TMEM175: variants seen among roughly 807,000 people sequenced by gnomAD.
TMEM175 encodes the protein transmembrane protein 175.
TMEM175 carries 36 observed loss-of-function variants against 36.5 expected under a neutral mutation model. That is an observed-to-expected ratio of 0.99 (90% CI 0.76 to 1.30). The LOEUF is 1.30. Ranked by LOEUF, TMEM175 falls within the 50% of genes most tolerant of loss-of-function variation. The pLI is 0.00. For synonymous variants in TMEM175, 339 were observed against 313.4 expected (o/e 1.08, Z -0.86); for missense variants, 705 against 692.8 (o/e 1.02, Z -0.20).
At chr4:933,758 C>G (rs1230870728) in intron 1 of TMEM175, among the ~76,000 whole-genome samples, 1 of 152,198 alleles carries the variant, frequency 6.6e-6, no homozygotes, top group Admixed American at 6.5e-5. Flanking sequence ...ACATCAGCCT[C>G]TTAGCCGTCC....
chr4:953,662 TC>T (rs1279155370), intron 8 of TMEM175, among the ~76,000 whole-genome samples: 1 of 152,230 alleles, frequency 6.6e-6, no homozygotes, highest in East Asian at 1.9e-4. Flanking sequence ...ACACCCGGAA[TC>T]CGGGGGTGCA....
chr4:951,882 C>A, intron 6 of TMEM175, 165 bp downstream of exon 6: 1 of 741,138 alleles, frequency 1.3e-6, no homozygotes, highest in Admixed American at 2.6e-5. Flanking sequence ...TTGGGGGCTT[C>A]TTTCAGGCTG....
rs1429004468 is a variant in TMEM175 at position 936,258 on chromosome 4, T to A, written c.-32+3718T>A. ...TACTTGGGAGCCTGAGGCAAGAGAA[T>A]TGCTTGAACCCGGGAGGTGGAGATT... On this transcript the variant is annotated intron_variant, in intron 1 of 10. Coordinates refer to ENST00000264771, the MANE Select transcript of TMEM175 (RefSeq NM_032326.4). 5.9e-5 allele frequency among the ~76,000 whole-genome samples: 9 copies of A among 151,580 alleles called. No homozygotes were observed. The East Asian group carries it at 1.5e-3, about 26-fold the overall frequency.
chr4:947,173 A>G (rs533156215), intron 1 of TMEM175, among the ~76,000 whole-genome samples: 2 of 137,396 alleles, frequency 1.5e-5, no homozygotes, highest in African/African-American at 2.8e-5. Flanking sequence ...ATACGTGCAC[A>G]GGTGCCGAGA....
intron 8 of TMEM175, among the ~76,000 whole-genome samples, chr4:953,923 T>C (rs1269727287): frequency 1.3e-5 from 2 of 152,214 alleles, no homozygotes; most frequent in African/African-American, 2.4e-5. Flanking sequence ...TGGACTAAAG[T>C]GATCCTCCCG....
Position 958,261 on chromosome 4 carries a change from C to A in TMEM175, c.1280C>A (p.Pro427His). The change falls in exon 11 of 11, where the codon CCC becomes CAC. Residue 427 changes from proline (P) to histidine (H), a missense_variant. Physicochemically the swap from Pro to His is moderately conservative, Grantham distance 77. Coordinates refer to ENST00000264771, the MANE Select transcript of TMEM175 (RefSeq NM_032326.4). Reference protein sequence around the residue: ...VLMFAKLALYPCASLLAFAST... With the variant: ...VLMFAKLALYHCASLLAFAST... Reference sequence around the variant, plus strand: ...ATGTTCGCCAAGCTGGCGCTGTACCCCTGTGCCAGCCTGCTGGCCTTCGCC... The same window carrying A: ...ATGTTCGCCAAGCTGGCGCTGTACCACTGTGCCAGCCTGCTGGCCTTCGCC... The A allele has an allele frequency of 6.2e-7, 1 of 1,606,270 alleles. No homozygotes were observed. Among genetic ancestry groups the A allele is most frequent in the Non-Finnish European group, 8.5e-7 (1 of 1,179,456 alleles).
intron 10 of TMEM175, chr4:956,547 A>G (rs181939284): frequency 6.7e-6 from 7 of 1,050,936 alleles, no homozygotes; most frequent in Admixed American, 6.1e-5. Flanking sequence ...GGTTCAAGCA[A>G]TTCTCCTGCC....
chr4:943,661 C>T (rs1038786705), intron 1 of TMEM175, among the ~76,000 whole-genome samples: 27 of 152,162 alleles, frequency 1.8e-4, no homozygotes, highest in African/African-American at 5.8e-4. Context: ...GGCAAATTGT[C>T]GGGTGGTTTC....
chr4:956,711 T>C (rs142550526), intron 10 of TMEM175: 264 of 343,276 alleles, frequency 7.7e-4, no homozygotes, highest in African/African-American at 5.4e-3. Flanking sequence ...CCCAAAGTGC[T>C]GGGATTACAG....
Position 949,709 on chromosome 4 carries a change from C to T in TMEM175, c.193-712C>T, listed in dbSNP as rs1246274684. Among the ~76,000 whole-genome samples the T allele has an allele frequency of 3.3e-5, 5 of 152,254 alleles. No homozygotes were observed. In the East Asian group the frequency reaches 9.7e-4, roughly 29 times the overall value. On this transcript the variant is annotated intron_variant, in intron 3 of 10. Transcript: ENST00000264771. ...CGTGGAGAAAGCATGAAAACCTTCCCAGGGCTGGAGGGCGAGGGCCCCGGT... is the reference window on the plus strand; with the variant it reads ...CGTGGAGAAAGCATGAAAACCTTCCTAGGGCTGGAGGGCGAGGGCCCCGGT...
intron 1 of TMEM175, among the ~76,000 whole-genome samples, chr4:933,071 G>T (rs1254092618): frequency 6.6e-6 from 1 of 152,210 alleles, no homozygotes; most frequent in Non-Finnish European, 1.5e-5. Context: ...GGTTCGTAAT[G>T]CCCAACTATT....
At chr4:956,552 C>T in intron 10 of TMEM175, 2 of 1,000,270 alleles carry the variant, frequency 2.0e-6, no homozygotes, top group Non-Finnish European at 2.7e-6. Context: ...AAGCAATTCT[C>T]CTGCCTCAGC....
intron 3 of TMEM175, chr4:948,760 C>T (rs1283306325): frequency 6.2e-6 from 6 of 972,482 alleles, no homozygotes; most frequent in East Asian, 6.2e-5. Flanking sequence ...CAGGGTCGTG[C>T]GGCCCAAGCT....
In TMEM175 at chr4:953,198, T is replaced by G. The variant is rs373669360; in HGVS notation, c.471T>G (p.Ile157Met). 6.2e-7 allele frequency: 1 copy of G among 1,608,304 alleles called. No individual in the cohort carries two copies. Among genetic ancestry groups the G allele is most frequent in the African/African-American group, 1.3e-5 (1 of 74,922 alleles). Reference sequence around the variant, plus strand: ...GCTTGCTTTTCCCGCAGGCACTGATTGTGGGGTACGCATTCCACTTCCCGC... The same window carrying G: ...GCTTGCTTTTCCCGCAGGCACTGATGGTGGGGTACGCATTCCACTTCCCGC... ...VIAIGVVQALIVGYAFHFPHL... is the reference protein window; with the variant it reads ...VIAIGVVQALMVGYAFHFPHL... Residue 157 changes from isoleucine (I) to methionine (M), a missense_variant, in exon 8 of 11, where the codon ATT (isoleucine) becomes ATG (methionine). Transcript: ENST00000264771.
intron 8 of TMEM175, among the ~76,000 whole-genome samples, chr4:954,986 G>C (rs985817247): frequency 1.3e-5 from 2 of 152,150 alleles, no homozygotes; most frequent in African/African-American, 4.8e-5. Flanking sequence ...TAGGGAGATA[G>C]ACGATAAATT....
Position 958,615 on chromosome 4 carries a change from A to C in TMEM175, c.*119A>C. ...AGTGGTTCTTGCGTGGCCTGGTTTT[A>C]TTTTCATTGTGAAATATCATGCTCT... On this transcript the variant is annotated 3_prime_UTR_variant, in exon 11 of 11. Coordinates refer to ENST00000264771, the MANE Select transcript of TMEM175 (RefSeq NM_032326.4). 1 of 787,890 alleles carries C rather than the reference A, an allele frequency of 1.3e-6. No individual in the cohort carries two copies. Among genetic ancestry groups the C allele is most frequent in the Admixed American group, 3.2e-5 (1 of 31,688 alleles). 48.8% of individuals were successfully genotyped at this position (787,890 alleles called of 1,614,324 possible).
At chr4:941,005 CAAAATAATA>C (rs1560474542) in intron 1 of TMEM175, among the ~76,000 whole-genome samples, 1 of 38,950 alleles carries the variant, frequency 2.6e-5, no homozygotes, top group Non-Finnish European at 4.8e-5. Flanking sequence ...GACTCCGTCT[CAAAATAATA>C]ATAATAATAA....
At chr4:949,664 A>G (rs1470551534) in intron 3 of TMEM175, among the ~76,000 whole-genome samples, 1 of 152,218 alleles carries the variant, frequency 6.6e-6, no homozygotes, top group African/African-American at 2.4e-5. Context: ...TAAAGTGCTC[A>G]GTGTTCTGTT....
chr4:950,604 C>T (rs576491087), intron 4 of TMEM175, 86 bp downstream of exon 4: 23 of 1,043,352 alleles, frequency 2.2e-5, no homozygotes, highest in South Asian at 1.6e-4. Flanking sequence ...TCCATGGGGT[C>T]GGGGAGGACA....
Sources: gnomAD v4.1 joint callset for allele counts (sites outside exome capture counted in the v4.1 genomes callset) on GRCh38, gnomAD v4.1.1 for gene constraint, MANE v1.5 for transcripts, NCBI Gene and HGNC (gene_info 2026-07-23, HGNC 2026-07-21) for gene names.